CADM1: variants seen among roughly 807,000 people sequenced by gnomAD.
CADM1 encodes TSLC-1.
A neutral mutation model predicts 53.1 loss-of-function variants in CADM1; 15 were observed. The ratio of observed to expected loss-of-function variants is 0.28; its 90% CI spans 0.19 to 0.44. The LOEUF (loss-of-function observed/expected upper bound fraction) is 0.44. Ranked by LOEUF, CADM1 falls within the 20% of genes least tolerant of loss-of-function variation. The probability of loss-of-function intolerance (pLI) is 1.00; values close to 1 mark genes in which losing one functional copy is unlikely to be tolerated. For missense variants in CADM1, 434 were observed against 611.3 expected (o/e 0.71, Z 3.06); for synonymous variants, 281 against 243.0 (o/e 1.16, Z -1.45).
intron 1 of CADM1, among the ~76,000 whole-genome samples, chr11:115,314,777 A>G (rs769266198): frequency 8.5e-5 from 13 of 152,130 alleles, no homozygotes; most frequent in Non-Finnish European, 1.8e-4. Context: ...TTCATTCACA[A>G]ACCCTGCCAG....
At chr11:115,259,951 C>T (rs941090112) in intron 1 of CADM1, among the ~76,000 whole-genome samples, 2 of 152,064 alleles carry the variant, frequency 1.3e-5, no homozygotes, top group African/African-American at 4.8e-5. Flanking sequence ...TTTTTGACAG[C>T]GTCTCACTGG....
At chr11:115,233,855 C>T (rs1404848205) in intron 3 of CADM1, among the ~76,000 whole-genome samples, 2 of 152,208 alleles carry the variant, frequency 1.3e-5, no homozygotes, top group African/African-American at 2.4e-5. Flanking sequence ...AGGAAGGTGG[C>T]TCTCTTAGTA....
chr11:115,292,904 A>C (rs146840068), intron 1 of CADM1, among the ~76,000 whole-genome samples: 19 of 152,354 alleles, frequency 1.2e-4, no homozygotes, highest in African/African-American at 3.4e-4. Flanking sequence ...TTAGGAGACA[A>C]GGACGCCCCT....
At chr11:115,182,181 C>T (rs1010025226) in intron 10 of CADM1, among the ~76,000 whole-genome samples, 3 of 152,158 alleles carry the variant, frequency 2.0e-5, no homozygotes, top group Non-Finnish European at 4.4e-5. Context: ...TTTTCTGAAT[C>T]GGGCAGGCAA....
At position 115,173,623 on chromosome 11, in the gene CADM1, G is replaced by T; in HGVS notation, c.*2851C>A. The T allele has an allele frequency of 3.4e-6, 1 of 290,380 alleles. No individual in the cohort carries two copies. Among genetic ancestry groups the T allele is most frequent in the Non-Finnish European group, 5.1e-6 (1 of 195,376 alleles). The allele number at this position is 290,380 out of a possible 1,614,324, so 18.0% of individuals were successfully genotyped here. ...TAAGAAGTCCATAAAGAGATTAAAGGATCACTTTGTAACATTAATTTTTTT... is the reference window on the plus strand; with the variant it reads ...TAAGAAGTCCATAAAGAGATTAAAGTATCACTTTGTAACATTAATTTTTTT... On this transcript the variant is annotated 3_prime_UTR_variant, in exon 12 of 12. Coordinates refer to ENST00000331581, the MANE Select transcript of CADM1 (RefSeq NM_001301043.2).
intron 1 of CADM1, among the ~76,000 whole-genome samples, chr11:115,245,430 A>G (rs1457082951): frequency 6.6e-6 from 1 of 152,232 alleles, no homozygotes. Context: ...GGAAATTTTC[A>G]AAGAAGCATG....
chr11:115,308,192 G>GTATATATATATATATATA (rs1387092815), intron 1 of CADM1, among the ~76,000 whole-genome samples: 28 of 70,496 alleles, frequency 4.0e-4, no homozygotes, highest in African/African-American at 1.6e-3. Flanking sequence ...ACTCATAGGT[G>GTATATATATATATATATA]TGTATATATA....
At chr11:115,502,526 T>G (rs1372767849) in intron 1 of CADM1, among the ~76,000 whole-genome samples, 2 of 151,892 alleles carry the variant, frequency 1.3e-5, no homozygotes, top group African/African-American at 2.4e-5. Context: ...GAAATGAAGT[T>G]GTAACCACAC....
chr11:115,471,048 C>A (rs185090283), intron 1 of CADM1, among the ~76,000 whole-genome samples: 79 of 152,284 alleles, frequency 5.2e-4, no homozygotes, highest in African/African-American at 1.8e-3. Flanking sequence ...CCCTGAGTAG[C>A]CTAAGACATA....
chr11:115,459,908 C>A (rs1396848695), intron 1 of CADM1, among the ~76,000 whole-genome samples: 1 of 152,272 alleles, frequency 6.6e-6, no homozygotes, highest in Non-Finnish European at 1.5e-5. Context: ...ATACTCAGGC[C>A]AGACTACTTC....
chr11:115,232,988 T>G (rs947004065), intron 3 of CADM1, among the ~76,000 whole-genome samples: 1 of 152,216 alleles, frequency 6.6e-6, no homozygotes, highest in African/African-American at 2.4e-5. Context: ...TATTTGGGAT[T>G]TCCAACTGTT....
chr11:115,286,917 A>G (rs540934315), intron 1 of CADM1, among the ~76,000 whole-genome samples: 1 of 152,372 alleles, frequency 6.6e-6, no homozygotes, highest in African/African-American at 2.4e-5. Context: ...ACCTTTCAGC[A>G]AAAGTACATT....
intron 1 of CADM1, among the ~76,000 whole-genome samples, chr11:115,422,403 C>T (rs1044489576): frequency 6.6e-5 from 10 of 152,168 alleles, no homozygotes; most frequent in Non-Finnish European, 1.3e-4. Flanking sequence ...CATTACAACT[C>T]CCCAGAAAGC....
chr11:115,491,958 C>A (rs1465678004), intron 1 of CADM1, among the ~76,000 whole-genome samples: 1 of 151,934 alleles, frequency 6.6e-6, no homozygotes, highest in Non-Finnish European at 1.5e-5. Context: ...GGGTGAGGGG[C>A]AGGGGGAGGG....
At chr11:115,491,389 C>A (rs1183807281) in intron 1 of CADM1, among the ~76,000 whole-genome samples, 1 of 151,970 alleles carries the variant, frequency 6.6e-6, no homozygotes, top group Non-Finnish European at 1.5e-5. Flanking sequence ...CACGGTGAAA[C>A]CCCATCTCTA....
At chr11:115,178,524 G>C in intron 11 of CADM1, 120 bp downstream of exon 11, 1 of 735,766 alleles carries the variant, frequency 1.4e-6, no homozygotes. Flanking sequence ...TCCAGTTTCA[G>C]GAATCAGATA....
At chr11:115,495,663 C>T (rs1017711659) in intron 1 of CADM1, among the ~76,000 whole-genome samples, 4 of 152,212 alleles carry the variant, frequency 2.6e-5, no homozygotes, top group African/African-American at 9.6e-5. Context: ...CTGGCAGTGA[C>T]TGATGGCGGT....
At position 115,242,200 on chromosome 11, in the gene CADM1, G is replaced by C. The variant is rs28410222; in HGVS notation, c.125-1780C>G. On this transcript the variant is annotated intron_variant, in intron 1 of 11. Coordinates refer to ENST00000331581, the MANE Select transcript of CADM1 (RefSeq NM_001301043.2). ...CCAACCTCGAGCTCTAGGATCCAGG[G>C]AATTAACCCAGGTGTGAGAATGCAG... Among the ~76,000 whole-genome samples, 327 of 152,176 alleles carry C rather than the reference G, an allele frequency of 2.1e-3. 3 individuals are homozygous for C. The highest frequency in any genetic ancestry group is 7.5e-3 in the African/African-American group (313 of 41,546).
rs1946793335 is a variant in CADM1, at chr11:115,389,967, A to G, written c.124+114304T>C. ...ATCTGAGCTACTTGTAGTCTCAAAG[A>G]TGGGAACTAAAACAGAGAAGTCATA... On this transcript the variant is annotated intron_variant, in intron 1 of 11. Transcript: ENST00000331581. Among the ~76,000 whole-genome samples, 3 of 152,166 alleles carry G rather than the reference A, an allele frequency of 2.0e-5. No homozygotes were observed. The South Asian group carries it at 6.2e-4, about 32-fold the overall frequency.
Sources: allele counts gnomAD v4.1 joint callset (sites outside exome capture counted in the v4.1 genomes callset), GRCh38; gene constraint gnomAD v4.1.1; transcripts MANE v1.5; gene names NCBI Gene and HGNC (gene_info 2026-07-23, HGNC 2026-07-21).